The following SNTB1 variants were observed in gnomAD, a reference collection of about 807,000 sequenced individuals.
SNTB1 encodes syntrophin beta 1, also known as beta-1-syntrophin.
SNTB1 carries 36 observed loss-of-function variants against 48.9 expected under a neutral mutation model. That is an observed-to-expected ratio of 0.74 (90% CI 0.56 to 0.97). SNTB1 has a LOEUF of 0.97. SNTB1 is among the 50% of genes least tolerant of loss of function. The pLI is 0.00. For synonymous variants in SNTB1, 299 were observed against 294.6 expected (o/e 1.01, Z -0.15); for missense variants, 786 against 703.4 (o/e 1.12, Z -1.33).
At chr8:120,577,852 T>G (rs1258289781) in intron 3 of SNTB1, among the ~76,000 whole-genome samples, 2 of 152,218 alleles carry the variant, frequency 1.3e-5, no homozygotes, top group Admixed American at 1.3e-4. Flanking sequence ...TGCAGTCTAT[T>G]GAAGAGCGCT....
At chr8:120,560,992 G>T (rs1815645367) in intron 4 of SNTB1, among the ~76,000 whole-genome samples, 2 of 152,126 alleles carry the variant, frequency 1.3e-5, no homozygotes, top group South Asian at 2.1e-4. Context: ...CACAAAAAAA[G>T]GGCCAAGCTC....
chr8:120,679,822 T>A (rs1817899177), intron 2 of SNTB1, among the ~76,000 whole-genome samples: 2 of 151,960 alleles, frequency 1.3e-5, no homozygotes, highest in South Asian at 4.2e-4. Flanking sequence ...GGCTTAGCTC[T>A]CATCATGATG....
At chr8:120,763,787 A>AT (rs58183270) in intron 1 of SNTB1, among the ~76,000 whole-genome samples, 2,762 of 150,526 alleles carry the variant, frequency 0.018, 76 homozygotes, top group African/African-American at 0.056. Context: ...TCAACCTATG[A>AT]TTTTTTTTTT....
chr8:120,560,029 C>T (rs1256578421), intron 4 of SNTB1, among the ~76,000 whole-genome samples: 1 of 152,148 alleles, frequency 6.6e-6, no homozygotes, highest in South Asian at 2.1e-4. Context: ...GGAGTCTGGG[C>T]GTCAAGAGAC....
intron 1 of SNTB1, among the ~76,000 whole-genome samples, chr8:120,703,212 C>A (rs915174830): frequency 1.3e-5 from 2 of 152,198 alleles, no homozygotes; most frequent in African/African-American, 4.8e-5. Context: ...GCAACCTCCG[C>A]CTCCTGGGTT....
intron 2 of SNTB1, among the ~76,000 whole-genome samples, chr8:120,642,540 G>A (rs1276621662): frequency 6.6e-6 from 1 of 152,162 alleles, no homozygotes; most frequent in Non-Finnish European, 1.5e-5. Context: ...GTCCCCAGAA[G>A]GGCAATACAA....
chr8:120,724,162 C>G (rs1251854660), intron 1 of SNTB1, among the ~76,000 whole-genome samples: 2 of 152,198 alleles, frequency 1.3e-5, no homozygotes, highest in African/African-American at 4.8e-5. Context: ...TAGGTTCAAA[C>G]TGGGTACTCT....
chr8:120,678,411 G>A (rs564691760), intron 2 of SNTB1, among the ~76,000 whole-genome samples: 1 of 152,098 alleles, frequency 6.6e-6, no homozygotes, highest in African/African-American at 2.4e-5. Flanking sequence ...AGTAAAAAAC[G>A]AATGTCCAAC....
chr8:120,613,426 T>C (rs1045132746), intron 3 of SNTB1, among the ~76,000 whole-genome samples: 6 of 151,636 alleles, frequency 4.0e-5, no homozygotes, highest in Non-Finnish European at 8.8e-5. Flanking sequence ...GATAGTAGAA[T>C]GGTAGTTACT....
At chr8:120,594,764 G>A (rs1816296558) in intron 3 of SNTB1, among the ~76,000 whole-genome samples, 1 of 152,022 alleles carries the variant, frequency 6.6e-6, no homozygotes, top group Non-Finnish European at 1.5e-5. Context: ...CACCTCAGAG[G>A]GATATGTCTG....
chr8:120,787,599 G>C lies in SNTB1; in HGVS notation c.571+23674C>G, dbSNP rs531823527. On this transcript the variant is annotated intron_variant, in intron 1 of 6. Coordinates refer to ENST00000517992, the MANE Select transcript of SNTB1 (RefSeq NM_021021.4). ...AGGTAACTATAAAATGCAGAAGAAAGCTTTAACAATAGACTAGATCAAGTA... is the reference window on the plus strand; with the variant it reads ...AGGTAACTATAAAATGCAGAAGAAACCTTTAACAATAGACTAGATCAAGTA... Among the ~76,000 whole-genome samples, 15 of 152,164 alleles carry C rather than the reference G, an allele frequency of 9.9e-5. No individual in the cohort carries two copies. The South Asian group carries it at 2.1e-3, about 21-fold the overall frequency.
At chr8:120,615,801 CTTCCTTTCCTTTCAT>C (rs1199421170) in intron 3 of SNTB1, among the ~76,000 whole-genome samples, 17 of 152,150 alleles carry the variant, frequency 1.1e-4, no homozygotes, top group African/African-American at 3.9e-4. Context: ...CCTTAGTTTT[CTTCCTTTCCTTTCAT>C]TTCCTTTCCT....
intron 2 of SNTB1, among the ~76,000 whole-genome samples, chr8:120,639,713 G>C (rs1315470290): frequency 6.6e-6 from 1 of 151,908 alleles, no homozygotes; most frequent in Non-Finnish European, 1.5e-5. Flanking sequence ...ATTTCTGAGG[G>C]CTCTGTTCTG....
At chr8:120,771,749 C>T (rs1384430314) in intron 1 of SNTB1, among the ~76,000 whole-genome samples, 1 of 151,952 alleles carries the variant, frequency 6.6e-6, no homozygotes, top group Non-Finnish European at 1.5e-5. Flanking sequence ...CTCTGAGCCT[C>T]TTTATAATAT....
chr8:120,609,928 C>CA (rs1816593764), intron 3 of SNTB1, among the ~76,000 whole-genome samples: 1 of 152,172 alleles, frequency 6.6e-6, no homozygotes, highest in Non-Finnish European at 1.5e-5. Context: ...GGTGCGCATG[C>CA]AATTCCTAAG....
At chr8:120,717,417 G>A (rs930280004) in intron 1 of SNTB1, among the ~76,000 whole-genome samples, 5 of 152,198 alleles carry the variant, frequency 3.3e-5, no homozygotes, top group African/African-American at 1.2e-4. Flanking sequence ...CTGAAGGAAT[G>A]CTTGGGTGAC....
intron 1 of SNTB1, among the ~76,000 whole-genome samples, chr8:120,700,958 T>C (rs1256584651): frequency 6.6e-6 from 1 of 152,122 alleles, no homozygotes; most frequent in African/African-American, 2.4e-5. Context: ...TTCATTGCTT[T>C]AGAGGATGTA....
At chr8:120,565,001 A>T (rs2130672746) in intron 4 of SNTB1, among the ~76,000 whole-genome samples, 1 of 152,300 alleles carries the variant, frequency 6.6e-6, no homozygotes, top group African/African-American at 2.4e-5. Context: ...ATGATGAAAC[A>T]TTGTTTTCTC....
chr8:120,630,725 C>T (rs938710358), intron 3 of SNTB1, among the ~76,000 whole-genome samples: 15 of 152,132 alleles, frequency 9.9e-5, no homozygotes, highest in African/African-American at 3.1e-4. Context: ...GAGAACCACC[C>T]CTCCTCATCT....
Sources: allele counts gnomAD v4.1 joint callset (sites outside exome capture counted in the v4.1 genomes callset), GRCh38; gene constraint gnomAD v4.1.1; transcripts MANE v1.5; gene names NCBI Gene and HGNC (gene_info 2026-07-23, HGNC 2026-07-21).